The following ADCY5 variants were observed in gnomAD, a reference collection of about 807,000 sequenced individuals.
The protein encoded by ADCY5 is adenylate cyclase type 5.
ADCY5 carries 30 observed loss-of-function variants against 119.7 expected under a neutral mutation model. That is an observed-to-expected ratio of 0.25 (90% CI 0.19 to 0.34). ADCY5 has a LOEUF of 0.34. Among genes scored for constraint, ADCY5 ranks in the 10% least tolerant of loss-of-function variants. The pLI is 1.00. For missense variants in ADCY5, 1,324 were observed against 1,775.2 expected (o/e 0.75, Z 4.57); for synonymous variants, 753 against 762.2 (o/e 0.99, Z 0.20).
chr3:123,357,279 AAG>A (rs1468297577), intron 1 of ADCY5, among the ~76,000 whole-genome samples: 2 of 152,044 alleles, frequency 1.3e-5, no homozygotes, highest in African/African-American at 2.4e-5. Flanking sequence ...CCAGGAGACT[AAG>A]AGAGAAAATG....
At chr3:123,408,625 C>T (rs1293192775) in intron 1 of ADCY5, among the ~76,000 whole-genome samples, 1 of 149,588 alleles carries the variant, frequency 6.7e-6, no homozygotes, top group Non-Finnish European at 1.5e-5. Context: ...CACTGCACTC[C>T]AGCCTGGGCG....
chr3:123,397,732 ACTT>A (rs1944643516), intron 1 of ADCY5, among the ~76,000 whole-genome samples: 1 of 152,166 alleles, frequency 6.6e-6, no homozygotes, highest in African/African-American at 2.4e-5. Flanking sequence ...ATTCTCAACT[ACTT>A]CTTCCTCTGA....
intron 12 of ADCY5, among the ~76,000 whole-genome samples, chr3:123,308,028 C>CTTTTTTTT (rs1178147327): frequency 1.5e-4 from 13 of 85,658 alleles, no homozygotes; most frequent in Non-Finnish European, 2.3e-4. Context: ...TTTTCATGCT[C>CTTTTTTTT]TTTTTTTTTT....
chr3:123,408,061 C>A (rs1301919431), intron 1 of ADCY5, among the ~76,000 whole-genome samples: 2 of 152,010 alleles, frequency 1.3e-5, no homozygotes, highest in Non-Finnish European at 2.9e-5. Context: ...GAATTATGTA[C>A]AGTGGCCACA....
At chr3:123,404,623 T>C (rs1463962133) in intron 1 of ADCY5, 1 of 152,080 alleles carries the variant, frequency 6.6e-6, no homozygotes, top group Non-Finnish European at 1.5e-5. Context: ...GCCTCCTGAG[T>C]GGGAAGGCCA....
chr3:123,351,526 G>T (rs552236150), intron 2 of ADCY5, among the ~76,000 whole-genome samples: 51 of 152,310 alleles, frequency 3.3e-4, no homozygotes, highest in Admixed American at 2.9e-3. Flanking sequence ...GGTAATCTAA[G>T]ATGGGAGGGA....
At chr3:123,368,466 G>A (rs1476297458) in intron 1 of ADCY5, among the ~76,000 whole-genome samples, 5 of 152,194 alleles carry the variant, frequency 3.3e-5, no homozygotes, top group Non-Finnish European at 5.9e-5. Flanking sequence ...GCATGGCGGT[G>A]CGCACCTGTA....
At position 123,300,229 on chromosome 3, in the gene ADCY5, C is replaced by T. The variant is rs768568196; in HGVS notation, c.2791G>A (p.Gly931Arg). ...ATGGCCAGCATGAGCACCAGCTTCC[C>T]GATGCAGCTGATCTGCAGGAACACG... ...CSVFLQISCI[G>R]KLVLMLAIEL... Residue 931 changes from glycine to arginine, a missense_variant, in exon 15 of 21, where the codon GGG becomes AGG. Physicochemically the swap from Gly to Arg is moderately radical, Grantham distance 125. Transcript: ENST00000462833. The T allele has an allele frequency of 1.5e-5, 24 of 1,613,764 alleles. No individual in the cohort carries two copies. The highest frequency in any genetic ancestry group is 1.9e-5 in the Non-Finnish European group (22 of 1,180,032).
At chr3:123,312,286 C>T (rs568362236) in intron 12 of ADCY5, among the ~76,000 whole-genome samples, 12 of 152,310 alleles carry the variant, frequency 7.9e-5, no homozygotes, top group Admixed American at 5.9e-4. Context: ...AATGACTTTG[C>T]CTCAGTTCCT....
intron 3 of ADCY5, among the ~76,000 whole-genome samples, chr3:123,343,955 C>T (rs1434093103): frequency 1.3e-5 from 2 of 152,230 alleles, no homozygotes; most frequent in African/African-American, 4.8e-5. Flanking sequence ...CTCTGGCCTG[C>T]GTCTGCCCAC....
chr3:123,415,406 G>T (rs1440000848), intron 1 of ADCY5, among the ~76,000 whole-genome samples: 1 of 152,142 alleles, frequency 6.6e-6, no homozygotes, highest in Non-Finnish European at 1.5e-5. Context: ...GGCCTCGGCC[G>T]ATCAGATCAC....
chr3:123,417,634 C>T (rs561285431), intron 1 of ADCY5, among the ~76,000 whole-genome samples: 2 of 152,330 alleles, frequency 1.3e-5, no homozygotes, highest in East Asian at 3.9e-4. Context: ...ATGGAAAAGA[C>T]ATGAGCCATG....
At chr3:123,317,980 C>A (rs769705162) in intron 11 of ADCY5, 40 bp downstream of exon 11, 3 of 1,568,062 alleles carry the variant, frequency 1.9e-6, no homozygotes, top group Non-Finnish European at 1.8e-6. Flanking sequence ...GGATTCCCTG[C>A]AGCCAGAGGA....
At chr3:123,322,749 C>T (rs986599686) in intron 8 of ADCY5, among the ~76,000 whole-genome samples, 7 of 152,176 alleles carry the variant, frequency 4.6e-5, no homozygotes, top group African/African-American at 1.7e-4. Context: ...AATAAATAAC[C>T]TTAAAGACCT....
chr3:123,419,715 T>TC lies in ADCY5; in HGVS notation c.1134+27696dup, dbSNP rs1286204541. 9.4e-4 allele frequency among the ~76,000 whole-genome samples: 143 copies of TC among 151,834 alleles called. 1 individual carries two copies. Among genetic ancestry groups the TC allele is most frequent in the African/African-American group, 3.3e-3 (136 of 41,382 alleles). On this transcript the variant is annotated intron_variant, in intron 1 of 20. Coordinates refer to ENST00000462833, the MANE Select transcript of ADCY5 (RefSeq NM_183357.3). ...GCTTCCAATCCTTTGCTTCCACTGC[T>TC]CCCCCTGCCAGCGAGGCTCTTGCTG...
chr3:123,300,001 A>T, intron 15 of ADCY5, 119 bp downstream of exon 15: 1 of 1,100,266 alleles, frequency 9.1e-7, no homozygotes. Context: ...AGGGCTGGGG[A>T]GGAACAAGAT....
chr3:123,325,791 C>T (rs918957909), intron 7 of ADCY5, among the ~76,000 whole-genome samples: 3 of 152,270 alleles, frequency 2.0e-5, no homozygotes, highest in African/African-American at 7.2e-5. Context: ...AAGATTCTAT[C>T]CTGGGTGCCC....
intron 2 of ADCY5, among the ~76,000 whole-genome samples, chr3:123,351,308 C>A (rs1576610865): frequency 6.6e-6 from 1 of 152,306 alleles, no homozygotes; most frequent in Non-Finnish European, 1.5e-5. Context: ...ACACCCCCCA[C>A]AGTACTAAAA....
intron 15 of ADCY5, among the ~76,000 whole-genome samples, chr3:123,298,738 T>C (rs1313701089): frequency 6.6e-6 from 1 of 151,410 alleles, no homozygotes; most frequent in East Asian, 1.9e-4. Context: ...AATGAATGAA[T>C]GGGTGAACAA....
Sources: gnomAD v4.1 joint callset for allele counts (sites outside exome capture counted in the v4.1 genomes callset) on GRCh38, gnomAD v4.1.1 for gene constraint, MANE v1.5 for transcripts, NCBI Gene and HGNC (gene_info 2026-07-23, HGNC 2026-07-21) for gene names.